FAM222A: variants seen among roughly 807,000 people sequenced by gnomAD.
FAM222A encodes the protein protein FAM222A.
Under a neutral mutation model 25.8 loss-of-function variants are expected in FAM222A, and 7 were observed. That is an observed-to-expected ratio of 0.27 (90% confidence interval 0.15 to 0.51). FAM222A has a LOEUF of 0.51. FAM222A is among the 20% of genes least tolerant of loss of function. FAM222A has a pLI of 0.97. For missense variants in FAM222A, 573 were observed against 640.5 expected (o/e 0.89, Z 1.14); for synonymous variants, 294 against 298.8 (o/e 0.98, Z 0.17).
At chr12:109,749,984 CT>C (rs1204190480) in intron 2 of FAM222A, among the ~76,000 whole-genome samples, 3 of 152,200 alleles carry the variant, frequency 2.0e-5, no homozygotes, top group Admixed American at 6.5e-5. Flanking sequence ...TTGGATTAAG[CT>C]TTGTGATCCA....
intron 1 of FAM222A, chr12:109,722,714 G>C (rs1488585422): frequency 1.3e-5 from 2 of 152,230 alleles, no homozygotes; most frequent in Non-Finnish European, 2.9e-5. Context: ...CTGCTGGGCT[G>C]TCTGCACCTT....
intron 2 of FAM222A, among the ~76,000 whole-genome samples, chr12:109,766,553 G>A (rs59784455): frequency 0.018 from 2,757 of 152,358 alleles, 48 homozygotes; most frequent in African/African-American, 0.045. Context: ...CCGTGTTCAC[G>A]TAGTAGCACA....
chr12:109,736,810 T>C (rs900925021), intron 1 of FAM222A, among the ~76,000 whole-genome samples: 1 of 152,146 alleles, frequency 6.6e-6, no homozygotes, highest in Non-Finnish European at 1.5e-5. Context: ...TCTCCAGGGC[T>C]CTTGCGCCGG....
intron 1 of FAM222A, among the ~76,000 whole-genome samples, chr12:109,723,008 G>T (rs1373196621): frequency 8.6e-5 from 13 of 151,054 alleles, no homozygotes. Flanking sequence ...CGGGTGGGGG[G>T]GGGAGGGGGT....
rs1021526809 is a variant in FAM222A at position 109,769,718 on chromosome 12, G to C, written c.*430G>C. ...GCCCCCCCAGGGGTCAGGCAGCTGT[G>C]TCTCCCCACACTGGCTCCCCAGTAT... On this transcript the variant is annotated 3_prime_UTR_variant, in exon 3 of 3. Transcript: ENST00000538780. The C allele has an allele frequency of 2.0e-5, 4 of 197,782 alleles. No homozygotes were observed. Among genetic ancestry groups the C allele is most frequent in the Non-Finnish European group, 4.1e-5 (4 of 97,582 alleles). The allele number at this position is 197,782 out of a possible 1,614,324, so 12.3% of individuals were successfully genotyped here.
At chr12:109,724,008 TG>T (rs1887797783) in intron 1 of FAM222A, among the ~76,000 whole-genome samples, 1 of 152,222 alleles carries the variant, frequency 6.6e-6, no homozygotes, top group South Asian at 2.1e-4. Context: ...TTTTTCTAGC[TG>T]GAAGCAAGCA....
At chr12:109,743,730 A>C (rs1029518483) in intron 1 of FAM222A, among the ~76,000 whole-genome samples, 1 of 152,002 alleles carries the variant, frequency 6.6e-6, no homozygotes, top group Non-Finnish European at 1.5e-5. Flanking sequence ...ACTTGCTTAC[A>C]GGGGGCCACC....
intron 1 of FAM222A, among the ~76,000 whole-genome samples, chr12:109,737,419 T>C (rs1196553980): frequency 2.6e-5 from 4 of 151,832 alleles, no homozygotes; most frequent in Non-Finnish European, 5.9e-5. Flanking sequence ...GGCAGGGGAC[T>C]GGCATCTTTG....
intron 1 of FAM222A, among the ~76,000 whole-genome samples, chr12:109,716,610 C>T (rs941936145): frequency 6.6e-6 from 1 of 152,172 alleles, no homozygotes; most frequent in Non-Finnish European, 1.5e-5. Context: ...GAGAGGTGGG[C>T]AGAAGGGCTG....
At position 109,769,387 on chromosome 12, in the gene FAM222A, C is replaced by T; in HGVS notation, c.*99C>T. On this transcript the variant is annotated 3_prime_UTR_variant, in exon 3 of 3. Coordinates refer to ENST00000538780, the MANE Select transcript of FAM222A (RefSeq NM_032829.3). Reference sequence around the variant, plus strand: ...GGCTCGCAGGGGCGCTCAGCCCCACCCTGTGCCTGCTGATGCCCACAGGGG... The same window carrying T: ...GGCTCGCAGGGGCGCTCAGCCCCACTCTGTGCCTGCTGATGCCCACAGGGG... 2 of 1,387,542 alleles carry T rather than the reference C, an allele frequency of 1.4e-6. No individual in the cohort carries two copies. Among genetic ancestry groups the T allele is most frequent in the Non-Finnish European group, 1.9e-6 (2 of 1,043,488 alleles). 86.0% of individuals were successfully genotyped at this position (1,387,542 alleles called of 1,614,324 possible). A position where few individuals can be genotyped will look rare whatever the true frequency, so the allele number is the denominator to read the frequency against.
chr12:109,760,765 T>C (rs776006299), intron 2 of FAM222A, among the ~76,000 whole-genome samples: 2 of 152,184 alleles, frequency 1.3e-5, no homozygotes, highest in Non-Finnish European at 2.9e-5. Context: ...GCACAGTGCC[T>C]GGCCTGGAGG....
At chr12:109,730,412 G>T (rs971523292) in intron 1 of FAM222A, among the ~76,000 whole-genome samples, 1 of 151,424 alleles carries the variant, frequency 6.6e-6, no homozygotes, top group African/African-American at 2.4e-5. Context: ...GGGGCGGGGG[G>T]GGGGGTTCCT....
At chr12:109,750,337 A>G (rs191201567) in intron 2 of FAM222A, among the ~76,000 whole-genome samples, 2 of 152,304 alleles carry the variant, frequency 1.3e-5, no homozygotes, top group Admixed American at 1.3e-4. Flanking sequence ...TCTAACATCA[A>G]TTTTAATGAT....
At chr12:109,743,829 G>A in intron 1 of FAM222A, 4 of 985,226 alleles carry the variant, frequency 4.1e-6, no homozygotes, top group Non-Finnish European at 3.6e-6. Flanking sequence ...CAGAGCAGAT[G>A]ACCCAGATGC....
At chr12:109,757,873 A>AAGGACAGGCAGCAACATC (rs1888779693) in intron 2 of FAM222A, among the ~76,000 whole-genome samples, 1 of 152,212 alleles carries the variant, frequency 6.6e-6, no homozygotes, top group Non-Finnish European at 1.5e-5. Flanking sequence ...CTGAAGGCAA[A>AAGGACAGGCAGCAACATC]AGGACAGGCA....
intron 1 of FAM222A, among the ~76,000 whole-genome samples, chr12:109,741,591 G>A (rs1286450910): frequency 2.6e-5 from 4 of 152,224 alleles, no homozygotes; most frequent in Admixed American, 6.5e-5. Flanking sequence ...CATGTGGGAT[G>A]TATGGCCCAA....
At chr12:109,725,366 C>T (rs926888802) in intron 1 of FAM222A, among the ~76,000 whole-genome samples, 1 of 152,092 alleles carries the variant, frequency 6.6e-6, no homozygotes, top group African/African-American at 2.4e-5. Flanking sequence ...CCGAGGTCAC[C>T]GAGGTACTCC....
intron 1 of FAM222A, among the ~76,000 whole-genome samples, chr12:109,739,380 T>C (rs1888175895): frequency 6.6e-6 from 1 of 152,206 alleles, no homozygotes; most frequent in African/African-American, 2.4e-5. Context: ...GCAGGACACT[T>C]TGAGTCATTT....
chr12:109,753,564 G>C lies in FAM222A; in HGVS notation c.82+9336G>C, dbSNP rs868339396. ...CCTCACCTGCCCCCCCATCCCGGGGGGGGGAGCCTCTCCCACAATATCCAT... is the reference window on the plus strand; with the variant it reads ...CCTCACCTGCCCCCCCATCCCGGGGCGGGGAGCCTCTCCCACAATATCCAT... On this transcript the variant is annotated intron_variant, in intron 2 of 2. Transcript: ENST00000538780. Among the ~76,000 whole-genome samples, 65 of 152,206 alleles carry C rather than the reference G, an allele frequency of 4.3e-4. No individual in the cohort carries two copies. In the Middle Eastern group the frequency reaches 0.01, roughly 24 times the overall value.
Sources: gnomAD v4.1 joint callset for allele counts (sites outside exome capture counted in the v4.1 genomes callset) on GRCh38, gnomAD v4.1.1 for gene constraint, MANE v1.5 for transcripts, NCBI Gene and HGNC (gene_info 2026-07-23, HGNC 2026-07-21) for gene names.